MCUB: variants seen among roughly 807,000 people sequenced by gnomAD.
The protein encoded by MCUB is mitochondrial calcium uniporter dominant negative subunit beta, also known as calcium uniporter regulatory subunit MCUb, mitochondrial.
In MCUB, 46 loss-of-function variants were observed where a neutral mutation model predicts 41.4. The observed-to-expected ratio is 1.11, with a 90% CI of 0.88 to 1.42. The LOEUF (loss-of-function observed/expected upper bound fraction) is 1.42. Among genes scored for constraint, MCUB ranks in the 40% most tolerant of loss-of-function variants. The pLI is 0.00. For synonymous variants in MCUB, 148 were observed against 148.2 expected, an observed-to-expected ratio of 1.00 and a Z score of 0.01; for missense variants, 403 against 404.9, an observed-to-expected ratio of 1.00 and a Z score of 0.04.
chr4:109,612,441 A>G (rs766694957), intron 1 of MCUB, among the ~76,000 whole-genome samples: 19 of 151,524 alleles, frequency 1.3e-4, no homozygotes, highest in African/African-American at 1.7e-4. Context: ...TAAATTTTGT[A>G]TTTTAGTAGA....
Position 109,636,576 on chromosome 4 carries a change from C to T in MCUB, c.100-22435C>T, listed in dbSNP as rs144123141. The stretch of plus-strand genomic sequence containing the variant: ...TTGGCCGGGCACAGTGGCTCACACC[C>T]ATAATCCCAGCACTTTAGGAGGCCG... On this transcript the variant is annotated intron_variant, in intron 1 of 7. Transcript: ENST00000394650. Among the ~76,000 whole-genome samples, 1,253 of 152,248 alleles carry T rather than the reference C, an allele frequency of 8.2e-3. 35 individuals are homozygous for T. Among genetic ancestry groups the T allele is most frequent in the South Asian group, 0.061 (295 of 4,824 alleles).
chr4:109,612,288 C>G (rs6841003), intron 1 of MCUB, among the ~76,000 whole-genome samples: 2 of 132,858 alleles, frequency 1.5e-5, no homozygotes, highest in African/African-American at 2.9e-5. Context: ...TTTTTGAGAG[C>G]GTCTCACTCA....
chr4:109,655,403 G>A (rs1452067262), intron 1 of MCUB, among the ~76,000 whole-genome samples: 2 of 152,150 alleles, frequency 1.3e-5, no homozygotes, highest in African/African-American at 4.8e-5. Flanking sequence ...TCCAGCCTCT[G>A]TCCCCTTCCT....
intron 1 of MCUB, among the ~76,000 whole-genome samples, chr4:109,636,515 G>A (rs181870665): frequency 2.0e-5 from 3 of 152,124 alleles, no homozygotes; most frequent in Admixed American, 1.3e-4. Flanking sequence ...GAAATCCAAC[G>A]GAATGTGATG....
chr4:109,562,323 C>G (rs1411433697), intron 1 of MCUB, among the ~76,000 whole-genome samples: 1 of 152,144 alleles, frequency 6.6e-6, no homozygotes, highest in African/African-American at 2.4e-5. Context: ...TTCTAATTTG[C>G]AAATTTTTGT....
chr4:109,632,011 G>A (rs991430965), intron 1 of MCUB, among the ~76,000 whole-genome samples: 1 of 152,118 alleles, frequency 6.6e-6, no homozygotes, highest in Non-Finnish European at 1.5e-5. Context: ...GCTGATGCTT[G>A]TGTATTTCTC....
chr4:109,607,192 A>C (rs1475404734), intron 1 of MCUB, among the ~76,000 whole-genome samples: 1 of 147,882 alleles, frequency 6.8e-6, no homozygotes, highest in Non-Finnish European at 1.5e-5. Context: ...GTGATTTCTT[A>C]TTGCTCATTA....
intron 1 of MCUB, among the ~76,000 whole-genome samples, chr4:109,654,335 G>T (rs1032191598): frequency 3.3e-5 from 5 of 152,218 alleles, no homozygotes; most frequent in African/African-American, 1.2e-4. Flanking sequence ...TATCAGCCAG[G>T]TGTGGTGGCT....
At chr4:109,623,974 C>G (rs1728309208) in intron 1 of MCUB, among the ~76,000 whole-genome samples, 1 of 152,146 alleles carries the variant, frequency 6.6e-6, no homozygotes, top group African/African-American at 2.4e-5. Context: ...CACAGCCTCC[C>G]AAGTAGCTAG....
chr4:109,566,271 T>C (rs112412325), intron 1 of MCUB, among the ~76,000 whole-genome samples: 15,700 of 151,452 alleles, frequency 0.1, 873 homozygotes, highest in Middle Eastern at 0.19. Flanking sequence ...AGATCGAGAC[T>C]ATCCTGGCTA....
intron 4 of MCUB, among the ~76,000 whole-genome samples, chr4:109,678,190 A>G (rs1392529773): frequency 6.6e-6 from 1 of 152,142 alleles, no homozygotes; most frequent in Non-Finnish European, 1.5e-5. Flanking sequence ...AGTACAGAAC[A>G]AAATGGAGTC....
chr4:109,605,017 G>T lies in MCUB; in HGVS notation c.99+44581G>T, dbSNP rs146496012. Among the ~76,000 whole-genome samples, 30 of 152,236 alleles carry T rather than the reference G, an allele frequency of 2.0e-4. No individual in the cohort carries two copies. In the East Asian group the frequency reaches 5.8e-3, roughly 29 times the overall value. ...GTGTCTTTGTCTGGTTTTGGTATCA[G>T]GGTAATACCAGCCTTCTAGAATAAG... On this transcript the variant is annotated intron_variant, in intron 1 of 7. Coordinates refer to ENST00000394650, the MANE Select transcript of MCUB (RefSeq NM_017918.5).
chr4:109,613,503 G>A (rs1407856056), intron 1 of MCUB, among the ~76,000 whole-genome samples: 2 of 152,228 alleles, frequency 1.3e-5, no homozygotes, highest in African/African-American at 4.8e-5. Context: ...CTGTTGTCCA[G>A]TGCTTGCCCT....
chr4:109,622,180 T>A (rs1481814977), intron 1 of MCUB, among the ~76,000 whole-genome samples: 1 of 152,016 alleles, frequency 6.6e-6, no homozygotes, highest in Non-Finnish European at 1.5e-5. Context: ...CTGTGCCTGG[T>A]GAGCATTTTT....
At position 109,669,664 on chromosome 4, in the gene MCUB, T is replaced by C. The variant is rs148060981; in HGVS notation, c.451+5270T>C. ...CATTACATACATGTTATTCATTTTG[T>C]GGCTGTCCTAAAGTTCTTAGATGTT... On this transcript the variant is annotated intron_variant, in intron 4 of 7. Coordinates refer to ENST00000394650, the MANE Select transcript of MCUB (RefSeq NM_017918.5). Among the ~76,000 whole-genome samples the C allele has an allele frequency of 3.7e-3, 566 of 152,058 alleles. 16 individuals carry two copies. In the South Asian group the frequency reaches 0.06, roughly 16 times the overall value.
chr4:109,626,100 G>A lies in MCUB; in HGVS notation c.100-32911G>A, dbSNP rs143560691. Among the ~76,000 whole-genome samples the A allele has an allele frequency of 2.7e-3, 408 of 152,246 alleles. 2 individuals are homozygous for A. Among genetic ancestry groups the A allele is most frequent in the African/African-American group, 9.1e-3 (379 of 41,528 alleles). The stretch of plus-strand genomic sequence containing the variant: ...AGGTAACTCCTCAAGTGAAATTTAG[G>A]TTCTAAGACTGTGACAAAACTGGCT... On this transcript the variant is annotated intron_variant, in intron 1 of 7. Transcript: ENST00000394650.
At chr4:109,656,845 A>G (rs1283412685) in intron 1 of MCUB, among the ~76,000 whole-genome samples, 8 of 152,124 alleles carry the variant, frequency 5.3e-5, no homozygotes, top group African/African-American at 1.9e-4. Context: ...TTCTACCTAT[A>G]TTTATTTATT....
At chr4:109,608,577 TC>T (rs1178912656) in intron 1 of MCUB, among the ~76,000 whole-genome samples, 2 of 152,150 alleles carry the variant, frequency 1.3e-5, no homozygotes, top group African/African-American at 4.8e-5. Flanking sequence ...AGCCATGACC[TC>T]CCTGACTAAA....
At position 109,659,055 on chromosome 4, in the gene MCUB, A is replaced by G. The variant is rs1158488063; in HGVS notation, c.144A>G (p.Ser48=). The change falls in exon 2 of 8, where the codon TCA becomes TCG. Residue 48 remains serine (S), a synonymous_variant. Coordinates refer to ENST00000394650, the MANE Select transcript of MCUB (RefSeq NM_017918.5). The stretch of plus-strand genomic sequence containing the variant: ...GTGGAAATGTGAAATACTACCAGTC[A>G]CACCATTATAGTACCGTGGTGCCAC... The part of the protein sequence containing the change: ...KLCGNVKYYQ[S]HHYSTVVPPD... The G allele has an allele frequency of 4.5e-6, 7 of 1,539,110 alleles. No homozygotes were observed. The highest frequency in any genetic ancestry group is 5.3e-6 in the Non-Finnish European group (6 of 1,135,558).
Sources: allele counts gnomAD v4.1 joint callset (sites outside exome capture counted in the v4.1 genomes callset), GRCh38; gene constraint gnomAD v4.1.1; transcripts MANE v1.5; gene names NCBI Gene and HGNC (gene_info 2026-07-23, HGNC 2026-07-21).